LDB2: variants seen among roughly 807,000 people sequenced by gnomAD.
LDB2 encodes the protein LIM domain-binding protein 2.
Under a neutral mutation model 44.3 loss-of-function variants are expected in LDB2, and 12 were observed. That is an observed-to-expected ratio of 0.27 (90% confidence interval 0.17 to 0.44). The LOEUF (loss-of-function observed/expected upper bound fraction) is 0.44, where lower values mean the gene tolerates loss of function less well. Among genes scored for constraint, LDB2 ranks in the 20% least tolerant of loss-of-function variants. The pLI is 1.00. For missense variants in LDB2, 344 were observed against 473.5 expected (o/e 0.73, Z 2.54); for synonymous variants, 164 against 174.8 (o/e 0.94, Z 0.49).
chr4:16,715,076 G>A (rs572680422), intron 2 of LDB2, among the ~76,000 whole-genome samples: 38 of 152,144 alleles, frequency 2.5e-4, no homozygotes, highest in Non-Finnish European at 4.7e-4. Flanking sequence ...TTGTTTCTAA[G>A]TGCTTCATGT....
At chr4:16,823,116 G>A (rs1163560288) in intron 1 of LDB2, among the ~76,000 whole-genome samples, 2 of 152,112 alleles carry the variant, frequency 1.3e-5, no homozygotes, top group Non-Finnish European at 2.9e-5. Context: ...TGTCTTCCTG[G>A]GCAGCTGAGC....
At position 16,739,687 on chromosome 4, in the gene LDB2, T is replaced by C. The variant is rs1297619682; in HGVS notation, c.235+19471A>G. On this transcript the variant is annotated intron_variant, in intron 2 of 7. Transcript: ENST00000304523. ...GTATATATACATATGTGTGTATATA[T>C]GTATATATACATATATGTGTATATA... Among the ~76,000 whole-genome samples, 10 of 68,034 alleles carry C rather than the reference T, an allele frequency of 1.5e-4. 2 individuals carry two copies. Among genetic ancestry groups the C allele is most frequent in the African/African-American group, 3.9e-4 (8 of 20,490 alleles). The allele number at this position is 68,034 out of a possible 152,430, so 44.6% of individuals were successfully genotyped here.
intron 1 of LDB2, among the ~76,000 whole-genome samples, chr4:16,799,096 G>A (rs1042351004): frequency 2.6e-5 from 4 of 152,094 alleles, no homozygotes; most frequent in African/African-American, 9.7e-5. Context: ...CTCGTGATCC[G>A]CCCTCCTCGG....
intron 2 of LDB2, among the ~76,000 whole-genome samples, chr4:16,683,676 G>A (rs961520116): frequency 3.9e-5 from 6 of 152,196 alleles, no homozygotes; most frequent in African/African-American, 1.2e-4. Context: ...AAGGTGCCAG[G>A]ATAGATAAAA....
chr4:16,826,111 T>A (rs1783014651), intron 1 of LDB2, among the ~76,000 whole-genome samples: 1 of 117,366 alleles, frequency 8.5e-6, no homozygotes, highest in African/African-American at 2.6e-5. Flanking sequence ...GAAATATTAA[T>A]CTATCTAATA....
At chr4:16,689,858 T>C (rs73799218) in intron 2 of LDB2, among the ~76,000 whole-genome samples, 10 of 152,222 alleles carry the variant, frequency 6.6e-5, no homozygotes, top group African/African-American at 1.9e-4. Flanking sequence ...CCTAATGACA[T>C]TGACCGTGTC....
intron 2 of LDB2, among the ~76,000 whole-genome samples, chr4:16,615,687 C>G (rs1321353389): frequency 2.6e-5 from 4 of 152,094 alleles, no homozygotes; most frequent in Admixed American, 2.6e-4. Context: ...ACCTATGTAA[C>G]AAACCTGCAC....
chr4:16,703,263 C>A (rs902181950), intron 2 of LDB2, among the ~76,000 whole-genome samples: 13 of 152,104 alleles, frequency 8.5e-5, no homozygotes, highest in African/African-American at 1.2e-4. Flanking sequence ...GAAAAAGGAA[C>A]TAATATTTAA....
At chr4:16,653,195 C>A (rs1444399581) in intron 2 of LDB2, among the ~76,000 whole-genome samples, 1 of 152,094 alleles carries the variant, frequency 6.6e-6, no homozygotes, top group Non-Finnish European at 1.5e-5. Flanking sequence ...AGAACTAAGT[C>A]GCATCAGCTG....
At chr4:16,659,402 C>G (rs1740828579) in intron 2 of LDB2, among the ~76,000 whole-genome samples, 1 of 152,122 alleles carries the variant, frequency 6.6e-6, no homozygotes, top group African/African-American at 2.4e-5. Context: ...GTTTATATAA[C>G]ATTTTATTAG....
chr4:16,540,290 C>T (rs1206728621), intron 5 of LDB2, among the ~76,000 whole-genome samples: 3 of 152,144 alleles, frequency 2.0e-5, no homozygotes, highest in Non-Finnish European at 2.9e-5. Flanking sequence ...TGAAGCCTAA[C>T]TGCTTTACCC....
At chr4:16,593,202 TGA>T (rs1207976264) in intron 3 of LDB2, among the ~76,000 whole-genome samples, 1 of 152,150 alleles carries the variant, frequency 6.6e-6, no homozygotes, top group African/African-American at 2.4e-5. Flanking sequence ...ATTTGGGGAA[TGA>T]GAGTTTATTG....
At chr4:16,593,719 C>T (rs781545002) in intron 3 of LDB2, among the ~76,000 whole-genome samples, 2 of 152,118 alleles carry the variant, frequency 1.3e-5, no homozygotes, top group African/African-American at 2.4e-5. Flanking sequence ...GAGCTCGGTT[C>T]AGGGGAGTGC....
At chr4:16,755,530 A>ATGT (rs1561114553) in intron 2 of LDB2, among the ~76,000 whole-genome samples, 48 of 24,970 alleles carry the variant, frequency 1.9e-3, no homozygotes, top group African/African-American at 5.9e-3. Flanking sequence ...TGTGTATGTG[A>ATGT]GAGAGAGAGA....
intron 5 of LDB2, among the ~76,000 whole-genome samples, chr4:16,529,296 T>C (rs1180003297): frequency 2.0e-5 from 3 of 152,116 alleles, no homozygotes; most frequent in African/African-American, 7.2e-5. Flanking sequence ...TATCATCCTG[T>C]GGTATAATGA....
At chr4:16,537,636 G>A (rs1336848512) in intron 5 of LDB2, among the ~76,000 whole-genome samples, 1 of 152,128 alleles carries the variant, frequency 6.6e-6, no homozygotes, top group African/African-American at 2.4e-5. Flanking sequence ...CTTCATGGAG[G>A]GCAATTTAGT....
chr4:16,530,543 A>G (rs925727240), intron 5 of LDB2, among the ~76,000 whole-genome samples: 25 of 152,242 alleles, frequency 1.6e-4, no homozygotes, highest in Non-Finnish European at 5.9e-5. Flanking sequence ...CTGAGGCAGA[A>G]CCTACTATCT....
chr4:16,759,358 G>C lies in LDB2; in HGVS notation c.133-98C>G, dbSNP rs1044608618. 15 of 873,420 alleles carry C rather than the reference G, an allele frequency of 1.7e-5. No individual in the cohort carries two copies. In the Middle Eastern group the frequency reaches 8.7e-4, roughly 50 times the overall value. 54.1% of individuals were successfully genotyped at this position (873,420 alleles called of 1,614,324 possible). On this transcript the variant is annotated intron_variant, in intron 1 of 7. Transcript: ENST00000304523. ...AGAAAGAAAAACTCAGCTGCTCCTT[G>C]CTCATTACTTCGCGTATGTGTGTAG...
intron 2 of LDB2, among the ~76,000 whole-genome samples, chr4:16,650,305 A>T (rs1001492260): frequency 5.3e-5 from 8 of 152,216 alleles, no homozygotes; most frequent in Non-Finnish European, 1.0e-4. Context: ...GCATTGGGTC[A>T]GTAGCACAGT....
Sources: gnomAD v4.1 joint callset for allele counts (sites outside exome capture counted in the v4.1 genomes callset) on GRCh38, gnomAD v4.1.1 for gene constraint, MANE v1.5 for transcripts, NCBI Gene and HGNC (gene_info 2026-07-23, HGNC 2026-07-21) for gene names.